GREM1: variants seen among roughly 807,000 people sequenced by gnomAD.
GREM1 encodes the protein gremlin 1, DAN family BMP antagonist.
A neutral mutation model predicts 13.1 loss-of-function variants in GREM1; 6 were observed. That is an observed-to-expected ratio of 0.46 (90% CI 0.25 to 0.91). The LOEUF (loss-of-function observed/expected upper bound fraction) is 0.91, where lower values mean the gene tolerates loss of function less well. Ranked by LOEUF, GREM1 falls within the 40% of genes least tolerant of loss-of-function variation. The probability of loss-of-function intolerance (pLI) is 0.18; values close to 1 mark genes in which losing one functional copy is unlikely to be tolerated. For synonymous variants in GREM1, 98 were observed against 93.7 expected (o/e 1.05, Z -0.27); for missense variants, 185 against 233.9 (o/e 0.79, Z 1.36).
chr15:32,738,104 A>ACAACAACAAC lies in GREM1; in HGVS notation c.*6859_*6860insCAACAACAAC, dbSNP rs2055723109. 1 of 103,518 alleles carries ACAACAACAAC rather than the reference A, an allele frequency of 9.7e-6. No individual in the cohort carries two copies. The highest frequency in any genetic ancestry group is 1.9e-5 in the Non-Finnish European group (1 of 51,322). 6.4% of individuals were successfully genotyped at this position (103,518 alleles called of 1,614,324 possible). On this transcript the variant is annotated 3_prime_UTR_variant, in exon 2 of 2. Coordinates refer to ENST00000651154, the MANE Select transcript of GREM1 (RefSeq NM_013372.7). ...TAGGCAAAAAAAAAAAAAAAAAAAA[A>ACAACAACAAC]AAAAAAAAAAAAAAAAAAAAAAAAA...
intron 1 of GREM1, among the ~76,000 whole-genome samples, chr15:32,729,323 G>T (rs994197408): frequency 1.3e-5 from 2 of 152,110 alleles, no homozygotes; most frequent in Non-Finnish European, 2.9e-5. Flanking sequence ...CACTGCGCCC[G>T]GCCAATTGTC....
At chr15:32,723,628 A>T (rs1446292790) in intron 1 of GREM1, among the ~76,000 whole-genome samples, 4 of 1,606 alleles carry the variant, frequency 2.5e-3, no homozygotes, top group Non-Finnish European at 0.01. Flanking sequence ...CTTTTCTTTA[A>T]AAAAAAAAAA....
At position 32,734,435 on chromosome 15, in the gene GREM1, A is replaced by C; in HGVS notation, c.*3190A>C. On this transcript the variant is annotated 3_prime_UTR_variant, in exon 2 of 2. Coordinates refer to ENST00000651154, the MANE Select transcript of GREM1 (RefSeq NM_013372.7). ...CTATTGACATTCCTCAAGATATTTA[A>C]TATCAACTGCATTATGTATTATGTC... The C allele has an allele frequency of 4.1e-6, 1 of 246,596 alleles. No individual in the cohort carries two copies. Among genetic ancestry groups the C allele is most frequent in the Non-Finnish European group, 8.5e-6 (1 of 117,208 alleles). 15.3% of individuals were successfully genotyped at this position (246,596 alleles called of 1,614,324 possible).
rs1567113703 is a variant in GREM1, at chr15:32,731,583, C to T, written c.*338C>T. 1 of 351,496 alleles carries T rather than the reference C, an allele frequency of 2.8e-6. No individual in the cohort carries two copies. The highest frequency in any genetic ancestry group is 4.8e-5 in the East Asian group (1 of 20,822). 21.8% of individuals were successfully genotyped at this position (351,496 alleles called of 1,614,324 possible). A position where few individuals can be genotyped will look rare whatever the true frequency, so the allele number is the denominator to read the frequency against. On this transcript the variant is annotated 3_prime_UTR_variant, in exon 2 of 2. Transcript: ENST00000651154. ...TGGTTCTGACTTTGTGTTTTTGTGC[C>T]CTCCTGGGGACCAGAATCTCCTTTC... is the stretch of plus-strand genomic sequence containing the variant.
At chr15:32,724,382 T>C (rs1048598957) in intron 1 of GREM1, among the ~76,000 whole-genome samples, 1 of 152,246 alleles carries the variant, frequency 6.6e-6, no homozygotes, top group African/African-American at 2.4e-5. Context: ...TCAGGAGGTA[T>C]GGAGGAAGAC....
rs2055670966 is a variant in GREM1 at position 32,734,442 on chromosome 15, C to T, written c.*3197C>T. On this transcript the variant is annotated 3_prime_UTR_variant, in exon 2 of 2. Coordinates refer to ENST00000651154, the MANE Select transcript of GREM1 (RefSeq NM_013372.7). ...CATTCCTCAAGATATTTAATATCAA[C>T]TGCATTATGTATTATGTCTGCTTAA... is the stretch of plus-strand genomic sequence containing the variant. 4.1e-6 allele frequency: 1 copy of T among 246,454 alleles called. No individual in the cohort carries two copies. Among genetic ancestry groups the T allele is most frequent in the East Asian group, 6.1e-5 (1 of 16,296 alleles). 15.3% of individuals were successfully genotyped at this position (246,454 alleles called of 1,614,324 possible).
At chr15:32,723,455 T>C (rs926690094) in intron 1 of GREM1, among the ~76,000 whole-genome samples, 1 of 152,168 alleles carries the variant, frequency 6.6e-6, no homozygotes, top group Admixed American at 6.5e-5. Flanking sequence ...GAGGTCTCGA[T>C]TGACATTCTT....
chr15:32,732,118 CAT>C lies in GREM1; in HGVS notation c.*875_*876del, dbSNP rs1258246022. 1 of 242,124 alleles carries C rather than the reference CAT, an allele frequency of 4.1e-6. No individual in the cohort carries two copies. The highest frequency in any genetic ancestry group is 8.7e-6 in the Non-Finnish European group (1 of 114,308). 15.0% of individuals were successfully genotyped at this position (242,124 alleles called of 1,614,324 possible). ...CTCAAACCTAACACCAAACTGAAAACATAAATACTGACCACTCCTATGTTCGG... is the reference window on the plus strand; with the variant it reads ...CTCAAACCTAACACCAAACTGAAAACAAATACTGACCACTCCTATGTTCGG... On this transcript the variant is annotated 3_prime_UTR_variant, in exon 2 of 2. Transcript: ENST00000651154.
rs1455136459 is a variant in GREM1 at position 32,743,649 on chromosome 15, A to G, written c.*12404A>G. The G allele has an allele frequency of 5.9e-5, 9 of 152,128 alleles. No homozygotes were observed. Among genetic ancestry groups the G allele is most frequent in the Admixed American group, 5.2e-4 (8 of 15,264 alleles). 9.4% of individuals were successfully genotyped at this position (152,128 alleles called of 1,614,324 possible). A position where few individuals can be genotyped will look rare whatever the true frequency, so the allele number is the denominator to read the frequency against. On this transcript the variant is annotated 3_prime_UTR_variant, in exon 2 of 2. Coordinates refer to ENST00000651154, the MANE Select transcript of GREM1 (RefSeq NM_013372.7). ...TCTAAAGGCTTGCCTGGGGCTGGAG[A>G]CGCACTTTCAATGTGGTGTACTCAC...
chr15:32,728,865 C>T (rs1219609871), intron 1 of GREM1, among the ~76,000 whole-genome samples: 4 of 152,134 alleles, frequency 2.6e-5, no homozygotes, highest in African/African-American at 9.7e-5. Context: ...AAAAGAAAAT[C>T]CCTCCACACT....
rs2055786302 is a variant in GREM1 at position 32,744,244 on chromosome 15, T to G, written c.*12999T>G. 2 of 152,102 alleles carry G rather than the reference T, an allele frequency of 1.3e-5. No individual in the cohort carries two copies. The highest frequency in any genetic ancestry group is 4.1e-4 in the South Asian group (2 of 4,820). 9.4% of individuals were successfully genotyped at this position (152,102 alleles called of 1,614,324 possible). A position where few individuals can be genotyped will look rare whatever the true frequency, so the allele number is the denominator to read the frequency against. On this transcript the variant is annotated 3_prime_UTR_variant, in exon 2 of 2. Coordinates refer to ENST00000651154, the MANE Select transcript of GREM1 (RefSeq NM_013372.7). Reference sequence around the variant, plus strand: ...GGGTTTCTATCACTTGCAACCAAAGTGCCCTAACCAGTATCTACATCTGAG... The same window carrying G: ...GGGTTTCTATCACTTGCAACCAAAGGGCCCTAACCAGTATCTACATCTGAG...
chr15:32,729,503 T>C (rs2055575091), intron 1 of GREM1, among the ~76,000 whole-genome samples: 1 of 152,194 alleles, frequency 6.6e-6, no homozygotes, highest in Admixed American at 6.5e-5. Flanking sequence ...ATTCAACTTG[T>C]AGAAGAGTTC....
intron 1 of GREM1, among the ~76,000 whole-genome samples, chr15:32,722,679 T>G (rs1343228278): frequency 6.6e-6 from 1 of 152,230 alleles, no homozygotes; most frequent in African/African-American, 2.4e-5. Flanking sequence ...ATGTTTACTC[T>G]TGATCCCTAA....
rs1304904236 is a variant in GREM1, at chr15:32,744,605, T to G, written c.*13360T>G. Reference sequence around the variant, plus strand: ...AAAAAAAAAAAGAAAGTTTCAGATATTATTGTTTATTGCTTTTAATCTAGT... The same window carrying G: ...AAAAAAAAAAAGAAAGTTTCAGATAGTATTGTTTATTGCTTTTAATCTAGT... On this transcript the variant is annotated 3_prime_UTR_variant, in exon 2 of 2. Coordinates refer to ENST00000651154, the MANE Select transcript of GREM1 (RefSeq NM_013372.7). 1 of 151,234 alleles carries G rather than the reference T, an allele frequency of 6.6e-6. No individual in the cohort carries two copies. The highest frequency in any genetic ancestry group is 1.5e-5 in the Non-Finnish European group (1 of 67,848). 9.4% of individuals were successfully genotyped at this position (151,234 alleles called of 1,614,324 possible). A position where few individuals can be genotyped will look rare whatever the true frequency, so the allele number is the denominator to read the frequency against.
rs2055643582 is a variant in GREM1 at position 32,732,765 on chromosome 15, T to C, written c.*1520T>C. On this transcript the variant is annotated 3_prime_UTR_variant, in exon 2 of 2. Transcript: ENST00000651154. ...GCCTACTGGCAATGGCTACTTAGGA[T>C]TGATCTAAGGGCCAAAGTGCAGGGT... is the stretch of plus-strand genomic sequence containing the variant. 3 of 230,706 alleles carry C rather than the reference T, an allele frequency of 1.3e-5. 1 individual carries two copies. The South Asian group carries it at 5.6e-4, about 43-fold the overall frequency. 14.3% of individuals were successfully genotyped at this position (230,706 alleles called of 1,614,324 possible).
rs183994238 is a variant in GREM1, at chr15:32,731,979, A to G, written c.*734A>G. ...TGCAGAAGCTTGAAAGGCCAATACC[A>G]GAACACAGGCTGATGCTTCTGAGAA... On this transcript the variant is annotated 3_prime_UTR_variant, in exon 2 of 2. Transcript: ENST00000651154. 196 of 231,314 alleles carry G rather than the reference A, an allele frequency of 8.5e-4. 1 individual carries two copies. The South Asian group carries it at 0.013, about 15-fold the overall frequency. The allele number at this position is 231,314 out of a possible 1,614,324, so 14.3% of individuals were successfully genotyped here. A position where few individuals can be genotyped will look rare whatever the true frequency, so the allele number is the denominator to read the frequency against.
rs1246828242 is a variant in GREM1, at chr15:32,729,633, A to G, written c.-1-1057A>G. On this transcript the variant is annotated intron_variant, in intron 1 of 1. Transcript: ENST00000651154. ...CTTGTTATTTTTTGCCATTGTTCAC[A>G]TATCACTGCCCTTTCAGACCCATAT... is the stretch of plus-strand genomic sequence containing the variant. Among the ~76,000 whole-genome samples the G allele has an allele frequency of 2.0e-5, 3 of 152,026 alleles. No homozygotes were observed. The East Asian group carries it at 5.8e-4, about 29-fold the overall frequency.
At chr15:32,721,625 G>C (rs1166453075) in intron 1 of GREM1, among the ~76,000 whole-genome samples, 4 of 151,838 alleles carry the variant, frequency 2.6e-5, no homozygotes, top group African/African-American at 9.7e-5. Context: ...GTGGTGGCAG[G>C]CGCCTATAAT....
In GREM1 at chr15:32,744,599, C is replaced by A. The variant is rs1000143337; in HGVS notation, c.*13354C>A. On this transcript the variant is annotated 3_prime_UTR_variant, in exon 2 of 2. Transcript: ENST00000651154. ...AAAAAAAAAAAAAAAAAGAAAGTTT[C>A]AGATATTATTGTTTATTGCTTTTAA... 3 of 149,162 alleles carry A rather than the reference C, an allele frequency of 2.0e-5. No homozygotes were observed. Among genetic ancestry groups the A allele is most frequent in the African/African-American group, 7.4e-5 (3 of 40,644 alleles). The allele number at this position is 149,162 out of a possible 1,614,324, so 9.2% of individuals were successfully genotyped here.
Sources: gnomAD v4.1 joint callset for allele counts (sites outside exome capture counted in the v4.1 genomes callset) on GRCh38, gnomAD v4.1.1 for gene constraint, MANE v1.5 for transcripts, NCBI Gene and HGNC (gene_info 2026-07-23, HGNC 2026-07-21) for gene names.